Variants in ASIC2 observed in about 807,000 individuals in gnomAD.
The protein encoded by ASIC2 is acid sensing ion channel subunit 2.
In ASIC2, 25 loss-of-function variants were observed where a neutral mutation model predicts 57.3. That is an observed-to-expected ratio of 0.44 (90% CI 0.32 to 0.61). The LOEUF (loss-of-function observed/expected upper bound fraction) is 0.61. ASIC2 is among the 20% of genes least tolerant of loss of function. ASIC2 has a pLI of 0.06. For synonymous variants in ASIC2, 319 were observed against 307.5 expected, an observed-to-expected ratio of 1.04 and a Z score of -0.39; for missense variants, 641 against 738.1, an observed-to-expected ratio of 0.87 and a Z score of 1.52.
chr17:33,944,147 T>G (rs541629141), intron 1 of ASIC2, among the ~76,000 whole-genome samples: 1 of 152,332 alleles, frequency 6.6e-6, no homozygotes, highest in Non-Finnish European at 1.5e-5. Context: ...CTGATGTTTC[T>G]GAATTTTCAG....
intron 1 of ASIC2, among the ~76,000 whole-genome samples, chr17:33,698,334 A>G (rs930978929): frequency 6.6e-6 from 1 of 152,202 alleles, no homozygotes; most frequent in Admixed American, 6.5e-5. Context: ...TGGGGAGAAA[A>G]GCAGCATCTA....
chr17:33,515,736 C>T (rs551744604), intron 1 of ASIC2, among the ~76,000 whole-genome samples: 41 of 152,338 alleles, frequency 2.7e-4, no homozygotes, highest in African/African-American at 9.4e-4. Flanking sequence ...CCTGAGGCTT[C>T]AATAGTCCCA....
At chr17:33,631,322 A>ATTT (rs113222295) in intron 1 of ASIC2, among the ~76,000 whole-genome samples, 16 of 134,526 alleles carry the variant, frequency 1.2e-4, no homozygotes, top group African/African-American at 3.9e-4. Context: ...GCTTTTAGTG[A>ATTT]TTTTTTTTTT....
chr17:33,231,144 T>C (rs1908075873), intron 1 of ASIC2, among the ~76,000 whole-genome samples: 1 of 152,154 alleles, frequency 6.6e-6, no homozygotes, highest in African/African-American at 2.4e-5. Context: ...AATGTCAACC[T>C]GTGTGCTAAC....
chr17:33,230,130 T>C (rs1396799793), intron 1 of ASIC2, among the ~76,000 whole-genome samples: 1 of 152,230 alleles, frequency 6.6e-6, no homozygotes, highest in Admixed American at 6.5e-5. Flanking sequence ...GGCCATTGAA[T>C]GATTCATTTT....
chr17:34,037,579 C>T, intron 1 of ASIC2: 2 of 1,472,782 alleles, frequency 1.4e-6, no homozygotes, highest in Non-Finnish European at 9.2e-7. Flanking sequence ...GCCATTTGTC[C>T]ACTTTGTGTG....
intron 1 of ASIC2, among the ~76,000 whole-genome samples, chr17:33,417,222 A>C (rs1597721155): frequency 6.6e-6 from 1 of 152,146 alleles, no homozygotes; most frequent in East Asian, 1.9e-4. Context: ...ATTTCTTAGA[A>C]TCTTTAATTC....
chr17:34,106,271 C>A (rs1023839024), intron 1 of ASIC2, among the ~76,000 whole-genome samples: 8 of 152,040 alleles, frequency 5.3e-5, no homozygotes, highest in African/African-American at 1.9e-4. Flanking sequence ...AAGGTGTTGC[C>A]AATTTTTTGA....
chr17:33,446,909 A>G (rs942712985), intron 1 of ASIC2, among the ~76,000 whole-genome samples: 1 of 152,200 alleles, frequency 6.6e-6, no homozygotes, highest in Non-Finnish European at 1.5e-5. Flanking sequence ...TGTAAGATGA[A>G]ACAATAATTA....
At chr17:33,153,656 A>G (rs1904885440) in intron 1 of ASIC2, among the ~76,000 whole-genome samples, 1 of 152,136 alleles carries the variant, frequency 6.6e-6, no homozygotes, top group Non-Finnish European at 1.5e-5. Flanking sequence ...GGCTGATTTC[A>G]TGTCTATGGT....
chr17:33,871,024 G>T (rs1235915166), intron 1 of ASIC2, among the ~76,000 whole-genome samples: 1 of 152,182 alleles, frequency 6.6e-6, no homozygotes, highest in African/African-American at 2.4e-5. Flanking sequence ...CTTGGCTTCA[G>T]CCAAATCAGA....
At chr17:33,376,388 T>G (rs1466901956) in intron 1 of ASIC2, among the ~76,000 whole-genome samples, 1 of 152,184 alleles carries the variant, frequency 6.6e-6, no homozygotes, top group Non-Finnish European at 1.5e-5. Context: ...CTTTAAGTTT[T>G]AGGGTACATG....
At chr17:33,979,650 C>T (rs1905539423) in intron 1 of ASIC2, among the ~76,000 whole-genome samples, 1 of 152,178 alleles carries the variant, frequency 6.6e-6, no homozygotes, top group Non-Finnish European at 1.5e-5. Flanking sequence ...CAAGAACTCT[C>T]ACTTTTTCCC....
chr17:33,287,822 G>C (rs995467755), intron 1 of ASIC2, among the ~76,000 whole-genome samples: 5 of 152,174 alleles, frequency 3.3e-5, no homozygotes, highest in Non-Finnish European at 7.3e-5. Flanking sequence ...TCTTAGGATT[G>C]GGGAGCACAG....
At chr17:33,864,610 A>G (rs1805631477) in intron 1 of ASIC2, among the ~76,000 whole-genome samples, 1 of 152,164 alleles carries the variant, frequency 6.6e-6, no homozygotes, top group South Asian at 2.1e-4. Context: ...GGGGCTGGGG[A>G]TGAAGGTGGA....
At chr17:33,083,819 G>A (rs2092123656) in intron 3 of ASIC2, among the ~76,000 whole-genome samples, 1 of 152,026 alleles carries the variant, frequency 6.6e-6, no homozygotes, top group African/African-American at 2.4e-5. Context: ...CCATTCTAAG[G>A]GGTTTAGATT....
chr17:33,501,505 A>G (rs1057277285), intron 1 of ASIC2, among the ~76,000 whole-genome samples: 2 of 152,250 alleles, frequency 1.3e-5, no homozygotes, highest in Admixed American at 1.3e-4. Flanking sequence ...CACACAGCAA[A>G]TAAGTGGCAG....
At chr17:33,923,920 A>T (rs554141284) in intron 1 of ASIC2, among the ~76,000 whole-genome samples, 2 of 152,144 alleles carry the variant, frequency 1.3e-5, no homozygotes, top group African/African-American at 4.8e-5. Flanking sequence ...CAGCAACTAC[A>T]TGGCAGAAGA....
At chr17:33,802,613 C>G (rs1567720037) in intron 1 of ASIC2, among the ~76,000 whole-genome samples, 1 of 152,192 alleles carries the variant, frequency 6.6e-6, no homozygotes, top group African/African-American at 2.4e-5. Context: ...CATAGCAACT[C>G]CCAGTCTGCC....
Sources: gnomAD v4.1 joint callset for allele counts (sites outside exome capture counted in the v4.1 genomes callset) on GRCh38, gnomAD v4.1.1 for gene constraint, MANE v1.5 for transcripts, NCBI Gene and HGNC (gene_info 2026-07-23, HGNC 2026-07-21) for gene names.